Variants in MAST3 observed in about 807,000 individuals in gnomAD.
MAST3 encodes microtubule associated serine/threonine kinase 3, also known as microtubule-associated serine/threonine-protein kinase 3.
MAST3 carries 43 observed loss-of-function variants against 127.0 expected under a neutral mutation model. That is an observed-to-expected ratio of 0.34 (90% CI 0.27 to 0.44). The LOEUF is 0.44. MAST3 is among the 20% of genes least tolerant of loss of function. MAST3 has a pLI of 1.00. For missense variants in MAST3, 1,390 were observed against 1,919.1 expected (o/e 0.72, Z 5.15); for synonymous variants, 785 against 809.2 (o/e 0.97, Z 0.51).
chr19:18,143,790 C>T lies in MAST3; in HGVS notation c.2367C>T (p.Ser789=), dbSNP rs1201416817. The T allele has an allele frequency of 1.2e-6, 2 of 1,613,720 alleles. No individual in the cohort carries two copies. The highest frequency in any genetic ancestry group is 1.7e-5 in the Admixed American group (1 of 59,994). The stretch of plus-strand genomic sequence containing the variant: ...TGAGGTCCTGGACATCCTCTGGATC[C>T]TCCTGTCAGTCATCTTCGTCCCAGC... ...IRLRSWTSSG[S]SCQSSSSQPE... Residue 789 remains serine (S), a synonymous_variant, in exon 22 of 28, where the codon TCC becomes TCT. Transcript: ENST00000687212.
chr19:18,146,899 C>T lies in MAST3; in HGVS notation c.3181C>T (p.Leu1061=), dbSNP rs1163495458. 1.3e-6 allele frequency: 2 copies of T among 1,556,206 alleles called. No homozygotes were observed. Among genetic ancestry groups the T allele is most frequent in the South Asian group, 1.2e-5 (1 of 84,312 alleles). Residue 1061 remains leucine (L), a synonymous_variant, in exon 26 of 28, where the codon CTG becomes TTG. Coordinates refer to ENST00000687212, the MANE Select transcript of MAST3 (RefSeq NM_001393504.1). ...LLLKSGNKIS[L]RTTALENTSI... is the part of the protein sequence containing the mutation. ...CCCGCAGAGCGGCAACAAGATATCC[C>T]TGCGGACCACAGCCCTGGAGAACAC...
intron 15 of MAST3, among the ~76,000 whole-genome samples, chr19:18,133,549 A>ATTTTTTTT (rs3048882): frequency 1.1e-5 from 1 of 91,844 alleles, no homozygotes; most frequent in Non-Finnish European, 2.0e-5. Flanking sequence ...CGCCCAGCTA[A>ATTTTTTTT]TTTTTTTTTT....
chr19:18,134,811 G>T lies in MAST3; in HGVS notation c.1705-6G>T. ...GGCCTCAGTTTCCCCGTTCTCCCTG[G>T]CCCAGGTGTGTGGGACGCCGGAGTA... On this transcript the variant is annotated splice_region_variant and splice_polypyrimidine_tract_variant and intron_variant, in intron 16 of 27. Transcript: ENST00000687212. 6.2e-7 allele frequency: 1 copy of T among 1,613,946 alleles called. No individual in the cohort carries two copies. The highest frequency in any genetic ancestry group is 2.2e-5 in the East Asian group (1 of 44,876).
chr19:18,145,942 C>G lies in MAST3; in HGVS notation c.3162+77C>G. On this transcript the variant is annotated intron_variant, in intron 25 of 27. Coordinates refer to ENST00000687212, the MANE Select transcript of MAST3 (RefSeq NM_001393504.1). This position sits in a 1 kb window ranked among gnomAD's most constrained non-coding sequence, Gnocchi z 5.9. ...CAGCTCCCGGTTCCCCGTGGTTCTC[C>G]GCGTCCAGACACACAACCCCACATT... 6.8e-7 allele frequency: 1 copy of G among 1,469,462 alleles called. No individual in the cohort carries two copies. Among genetic ancestry groups the G allele is most frequent in the African/African-American group, 1.5e-5 (1 of 68,096 alleles). The allele number at this position is 1,469,462 out of a possible 1,614,324, so 91.0% of individuals were successfully genotyped here. A position where few individuals can be genotyped will look rare whatever the true frequency, so the allele number is the denominator to read the frequency against.
intron 20 of MAST3, among the ~76,000 whole-genome samples, chr19:18,140,351 C>A (rs549200100): frequency 4.5e-4 from 69 of 151,862 alleles, no homozygotes; most frequent in African/African-American, 1.7e-3. Flanking sequence ...TGCACTCCAG[C>A]CTGGGCGACA....
intron 19 of MAST3, among the ~76,000 whole-genome samples, chr19:18,137,931 G>T (rs904186497): frequency 7.9e-5 from 12 of 152,166 alleles, no homozygotes; most frequent in Admixed American, 5.2e-4. Flanking sequence ...TTGGCCAGGC[G>T]CAGTGGCTCA....
intron 11 of MAST3, among the ~76,000 whole-genome samples, chr19:18,126,251 TA>T (rs1475240986): frequency 1.3e-5 from 2 of 151,194 alleles, no homozygotes; most frequent in Non-Finnish European, 2.9e-5. Context: ...TTTCCACAAA[TA>T]GCCAGGATAA....
At chr19:18,134,747 C>T in intron 16 of MAST3, 36 bp downstream of exon 16, 2 of 1,613,118 alleles carry the variant, frequency 1.2e-6, no homozygotes, top group Non-Finnish European at 8.5e-7. Flanking sequence ...CCCGGGATGC[C>T]TCCTCCTCTC....
chr19:18,143,760 C>G lies in MAST3; in HGVS notation c.2340-3C>G. On this transcript the variant is annotated splice_polypyrimidine_tract_variant and splice_region_variant and intron_variant, in intron 21 of 27. Transcript: ENST00000687212. ...GGGTGATGCAGGCTCTTCCTCCCTG[C>G]AGGCTGAGGTCCTGGACATCCTCTG... The G allele has an allele frequency of 6.2e-7, 1 of 1,613,304 alleles. No individual in the cohort carries two copies. The highest frequency in any genetic ancestry group is 8.5e-7 in the Non-Finnish European group (1 of 1,179,748).
chr19:18,133,547 T>TG (rs2041556634), intron 15 of MAST3, among the ~76,000 whole-genome samples: 1 of 85,406 alleles, frequency 1.2e-5, no homozygotes, highest in African/African-American at 4.9e-5. Context: ...TACGCCCAGC[T>TG]AATTTTTTTT....
At chr19:18,138,947 AT>A (rs1467767516) in intron 19 of MAST3, 67 bp from the exon 20 acceptor site, 1 of 1,086,450 alleles carries the variant, frequency 9.2e-7, no homozygotes, top group Admixed American at 2.0e-5. Flanking sequence ...CCCTCCCCGT[AT>A]TGCCACACCG....
intron 10 of MAST3, 80 bp downstream of exon 10, chr19:18,124,446 G>A (rs2040358336): frequency 1.1e-5 from 15 of 1,420,608 alleles, no homozygotes; most frequent in Non-Finnish European, 1.5e-5. Flanking sequence ...CAAGATACAG[G>A]TGACAGTTCC....
intron 3 of MAST3, among the ~76,000 whole-genome samples, chr19:18,113,675 TG>T (rs2038903070): frequency 6.6e-6 from 1 of 152,210 alleles, no homozygotes; most frequent in African/African-American, 2.4e-5. Context: ...TTGGCCAGGC[TG>T]GTCTCAAACT....
At chr19:18,122,544 T>G in intron 5 of MAST3, 129 bp from the exon 6 acceptor site, 1 of 776,666 alleles carries the variant, frequency 1.3e-6, no homozygotes, top group Non-Finnish European at 2.2e-6. Flanking sequence ...TGTGTCTCTG[T>G]TCTTGGTTAT....
intron 27 of MAST3, among the ~76,000 whole-genome samples, chr19:18,148,436 T>C (rs1050128887): frequency 1.3e-5 from 2 of 150,848 alleles, no homozygotes; most frequent in African/African-American, 4.9e-5. Context: ...CACTCCAGCC[T>C]AGGCAACAGA....
chr19:18,126,635 C>G (rs273489), intron 11 of MAST3, among the ~76,000 whole-genome samples: 140,495 of 152,244 alleles, frequency 0.92, 64,888 homozygotes, highest in East Asian at 0.96. Flanking sequence ...CAGGCATGAT[C>G]GCACATGCCT....
At position 18,130,670 on chromosome 19, in the gene MAST3, G is replaced by A. The variant is rs1295349458; in HGVS notation, c.1400G>A (p.Arg467His). The A allele has an allele frequency of 9.3e-6, 15 of 1,613,876 alleles. No homozygotes were observed. The highest frequency in any genetic ancestry group is 2.2e-5 in the East Asian group (1 of 44,892). ...VSMFCSFETR[R>H]HLCMVMEYVE... ...ATGTTCTGCTCCTTTGAGACCCGGC[G>A]CCACCTATGTATGGTCATGGAATAC... The change falls in exon 14 of 28, where the codon CGC becomes CAC. Residue 467 changes from arginine to histidine, a missense_variant. This residue lies in a region of MAST3 where 191 missense variants were observed against 409.0 expected (regional missense o/e 0.47). Coordinates refer to ENST00000687212, the MANE Select transcript of MAST3 (RefSeq NM_001393504.1).
At chr19:18,114,796 G>C (rs1388509878) in intron 3 of MAST3, among the ~76,000 whole-genome samples, 3 of 152,134 alleles carry the variant, frequency 2.0e-5, no homozygotes, top group African/African-American at 4.8e-5. Flanking sequence ...CATCGTCAGA[G>C]ACACTTTCCT....
chr19:18,114,919 G>A (rs931469320), intron 3 of MAST3, among the ~76,000 whole-genome samples: 5 of 152,086 alleles, frequency 3.3e-5, no homozygotes, highest in Admixed American at 2.0e-4. Context: ...GGTGGGAAGC[G>A]CTGGGGTAGT....
Sources: gnomAD v4.1 joint callset for allele counts (sites outside exome capture counted in the v4.1 genomes callset) on GRCh38, gnomAD v4.1.1 for gene constraint, gnomAD v4.1.1 regional missense constraint, Gnocchi (gnomAD v3.1) non-coding constraint, MANE v1.5 for transcripts, NCBI Gene and HGNC (gene_info 2026-07-23, HGNC 2026-07-21) for gene names.